IFT56: variants seen among roughly 807,000 people sequenced by gnomAD.
The protein encoded by IFT56 is intraflagellar transport 56.
chr7:139,188,580 A>T, the IFT56 span, among the ~76,000 whole-genome samples: 1 of 152,208 alleles, frequency 6.6e-6, no homozygotes, highest in Non-Finnish European at 1.5e-5. Context: ...AAAGTTTAAA[A>T]ACATTTGGTT....
chr7:139,134,482 G>T, the IFT56 span, among the ~76,000 whole-genome samples: 3 of 152,034 alleles, frequency 2.0e-5, no homozygotes, highest in East Asian at 3.9e-4. Flanking sequence ...TATTGACCAG[G>T]CTGGTCTCCA....
chr7:139,157,495 A>ATTTT, the IFT56 span, among the ~76,000 whole-genome samples: 3 of 82,428 alleles, frequency 3.6e-5, no homozygotes, highest in African/African-American at 1.4e-4. Flanking sequence ...TTTGTATTGG[A>ATTTT]TTTTTTTTTT....
the IFT56 span, among the ~76,000 whole-genome samples, chr7:139,175,851 A>T: frequency 6.6e-6 from 1 of 151,954 alleles, no homozygotes; most frequent in Admixed American, 6.6e-5. Context: ...GTTTTTTGAG[A>T]TGGAGTCTTG....
chr7:139,155,844 G>A, the IFT56 span, among the ~76,000 whole-genome samples: 2 of 152,050 alleles, frequency 1.3e-5, no homozygotes, highest in Non-Finnish European at 2.9e-5. Context: ...TGAAGAGCTG[G>A]TATTAACTCT....
At chr7:139,141,463 A>G in the IFT56 span, among the ~76,000 whole-genome samples, 1 of 152,142 alleles carries the variant, frequency 6.6e-6, no homozygotes, top group South Asian at 2.1e-4. Flanking sequence ...AAATTATTTC[A>G]TAGGTACTAA....
At chr7:139,157,144 T>C in the IFT56 span, among the ~76,000 whole-genome samples, 8 of 100,762 alleles carry the variant, frequency 7.9e-5, no homozygotes, top group African/African-American at 4.3e-4. Context: ...AATTTCTTTT[T>C]TTTTTTTTTT....
At chr7:139,149,940 TATAGA>T in the IFT56 span, among the ~76,000 whole-genome samples, 1 of 152,050 alleles carries the variant, frequency 6.6e-6, no homozygotes, top group South Asian at 2.1e-4. Context: ...CATACATAGA[TATAGA>T]ATAGAAAATA....
the IFT56 span, among the ~76,000 whole-genome samples, chr7:139,161,514 G>T: frequency 6.6e-6 from 1 of 152,300 alleles, no homozygotes; most frequent in African/African-American, 2.4e-5. Flanking sequence ...GCTAGATTAT[G>T]ATTCTATTGA....
At chr7:139,186,598 C>T in the IFT56 span, among the ~76,000 whole-genome samples, 1 of 151,996 alleles carries the variant, frequency 6.6e-6, no homozygotes, top group Non-Finnish European at 1.5e-5. Context: ...GAATAGTAGT[C>T]AGTATACATC....
the IFT56 span, among the ~76,000 whole-genome samples, chr7:139,143,616 A>G: frequency 1.4e-4 from 22 of 151,848 alleles, no homozygotes; most frequent in Non-Finnish European, 3.1e-4. Flanking sequence ...GTGGGTTTTA[A>G]AATCCAGTTA....
At chr7:139,136,697 G>A in the IFT56 span, among the ~76,000 whole-genome samples, 1 of 152,126 alleles carries the variant, frequency 6.6e-6, no homozygotes, top group Admixed American at 6.5e-5. Context: ...TTGAACTCCT[G>A]GGCTCAAGGG....
chr7:139,163,073 G>A, the IFT56 span, among the ~76,000 whole-genome samples: 4 of 151,850 alleles, frequency 2.6e-5, no homozygotes, highest in Non-Finnish European at 2.9e-5. Flanking sequence ...GGCCGGGTGC[G>A]GTGACTCATG....
chr7:139,135,277 C>CAAAAAAAAAAAAAAAAAAAAA, the IFT56 span, among the ~76,000 whole-genome samples: 1 of 63,032 alleles, frequency 1.6e-5, no homozygotes, highest in Non-Finnish European at 3.4e-5. Context: ...GACTCCGTCT[C>CAAAAAAAAAAAAAAAAAAAAA]AAAAAAAAAA....
At chr7:139,135,243 C>A in the IFT56 span, among the ~76,000 whole-genome samples, 1 of 140,720 alleles carries the variant, frequency 7.1e-6, no homozygotes, top group Admixed American at 7.4e-5. Flanking sequence ...CATGCCACTG[C>A]ACTCCAGCCT....
At chr7:139,133,797 C>A in the IFT56 span, 3 of 1,611,826 alleles carry the variant, frequency 1.9e-6, no homozygotes, top group Admixed American at 1.7e-5. Context: ...TGTGTGGATG[C>A]GGCGAAACGC....
At chr7:139,155,689 T>G in the IFT56 span, among the ~76,000 whole-genome samples, 4 of 152,144 alleles carry the variant, frequency 2.6e-5, no homozygotes, top group African/African-American at 9.7e-5. Context: ...TGCTAAGAAT[T>G]TTTTGGAGGA....
the IFT56 span, among the ~76,000 whole-genome samples, chr7:139,166,197 A>T: frequency 6.6e-6 from 1 of 152,186 alleles, no homozygotes; most frequent in Non-Finnish European, 1.5e-5. Context: ...ATCTCAGGTG[A>T]TCCGCCTGCC....
chr7:139,137,973 C>T, the IFT56 span: 11 of 1,346,118 alleles, frequency 8.2e-6, no homozygotes, highest in African/African-American at 2.9e-5. Context: ...CCTAACAGAA[C>T]TGTGTTTAAA....
chr7:139,183,272 C>T, the IFT56 span, among the ~76,000 whole-genome samples: 6 of 152,148 alleles, frequency 3.9e-5, no homozygotes, highest in Non-Finnish European at 5.9e-5. Flanking sequence ...GGTCCCATGA[C>T]CACCCACTAG....
Sources: gnomAD v4.1 joint callset for allele counts (sites outside exome capture counted in the v4.1 genomes callset) on GRCh38, gnomAD v4.1.1 for gene constraint, MANE v1.5 for transcripts, NCBI Gene and HGNC (gene_info 2026-07-23, HGNC 2026-07-21) for gene names.